The following GGT7 variants were observed in gnomAD, a reference collection of about 807,000 sequenced individuals.
GGT7 encodes glutathione hydrolase 7.
Under a neutral mutation model 69.2 loss-of-function variants are expected in GGT7, and 30 were observed. The ratio of observed to expected loss-of-function variants is 0.43; its 90% CI spans 0.32 to 0.59. The LOEUF (loss-of-function observed/expected upper bound fraction) is 0.59, where lower values mean the gene tolerates loss of function less well. Among genes scored for constraint, GGT7 ranks in the 20% least tolerant of loss-of-function variants. GGT7 has a pLI of 0.05. For synonymous variants in GGT7, 388 were observed against 391.8 expected (o/e 0.99, Z 0.12); for missense variants, 733 against 901.1 (o/e 0.81, Z 2.39).
intron 5 of GGT7, 70 bp from the exon 6 acceptor site, chr20:34,860,112 G>GGAGGGGGA: frequency 1.2e-6 from 1 of 863,810 alleles, no homozygotes; most frequent in South Asian, 1.4e-5. Context: ...GGGGAGGGGG[G>GGAGGGGGA]TTCCTGGGAA....
At position 34,852,194 on chromosome 20, in the gene GGT7, G is replaced by A; in HGVS notation, c.1548C>T (p.Ser516=). ...ILLNSQMLDF[S]WPNRTANHSA... ...AGTGGTTAGCTGTCCGGTTGGGCCA[G>A]GAGAAGTCCAGCATCTGGCTGTTGA... The change falls in exon 12 of 15, where the codon TCC becomes TCT. Residue 516 remains serine (S), a synonymous_variant. Transcript: ENST00000336431. 1.2e-6 allele frequency: 2 copies of A among 1,613,758 alleles called. No individual in the cohort carries two copies. Among genetic ancestry groups the A allele is most frequent in the Non-Finnish European group, 1.7e-6 (2 of 1,179,610 alleles).
intron 1 of GGT7, among the ~76,000 whole-genome samples, chr20:34,865,230 C>T (rs1391325115): frequency 2.0e-5 from 3 of 152,156 alleles, no homozygotes; most frequent in Admixed American, 6.5e-5. Flanking sequence ...TGCAGTGGCA[C>T]CATCTCAGCT....
At chr20:34,846,273 G>GCCCCC (rs1568926434) in intron 14 of GGT7, among the ~76,000 whole-genome samples, 2 of 127,190 alleles carry the variant, frequency 1.6e-5, no homozygotes, top group Non-Finnish European at 1.7e-5. Context: ...CCTGCTTCCA[G>GCCCCC]CCCTCCCTCC....
intron 12 of GGT7, among the ~76,000 whole-genome samples, chr20:34,851,953 G>A (rs2079401102): frequency 6.6e-6 from 1 of 152,256 alleles, no homozygotes; most frequent in South Asian, 2.1e-4. Context: ...GTAAGACAGT[G>A]ACAGAATGGG....
chr20:34,861,990 T>C (rs1335979330), intron 3 of GGT7, among the ~76,000 whole-genome samples: 2 of 152,182 alleles, frequency 1.3e-5, no homozygotes, highest in East Asian at 1.9e-4. Context: ...AGGAATTTCT[T>C]TGGTACGGCT....
At chr20:34,857,481 C>A (rs2079512777) in intron 7 of GGT7, among the ~76,000 whole-genome samples, 1 of 152,156 alleles carries the variant, frequency 6.6e-6, no homozygotes, top group Non-Finnish European at 1.5e-5. Flanking sequence ...CTTGTACAAA[C>A]CAATGGGCTC....
chr20:34,863,279 C>A lies in GGT7; in HGVS notation c.405+34G>T. On this transcript the variant is annotated intron_variant, in intron 2 of 14. Coordinates refer to ENST00000336431, the MANE Select transcript of GGT7 (RefSeq NM_178026.3). The surrounding 1 kb of genome is among the most constrained non-coding windows in gnomAD (Gnocchi z 4.4). ...AAACATTACCCCACTCCCCACTCCC[C>A]AGTTTCCTCCCCCTCCCCATTTGTC... is the stretch of plus-strand genomic sequence containing the variant. 2 of 1,471,816 alleles carry A rather than the reference C, an allele frequency of 1.4e-6. No homozygotes were observed. Among genetic ancestry groups the A allele is most frequent in the East Asian group, 2.3e-5 (1 of 42,892 alleles). The allele number at this position is 1,471,816 out of a possible 1,614,324, so 91.2% of individuals were successfully genotyped here.
rs751472295 is a variant in GGT7 at position 34,850,033 on chromosome 20, G to A, written c.1753C>T (p.Arg585Trp). Residue 585 changes from arginine to tryptophan, a missense_variant, in exon 14 of 15, where the codon CGG (arginine) becomes TGG (tryptophan). Coordinates refer to ENST00000336431, the MANE Select transcript of GGT7 (RefSeq NM_178026.3). ...QVLLNVLTLN[R>W]NLSDSLARGR... is the part of the protein sequence containing the mutation. The stretch of plus-strand genomic sequence containing the variant: ...CGGGCCAGGCTGTCACTCAGGTTCC[G>A]GTTCAAGGTCAGGACATTCAGCAGA... 1.4e-5 allele frequency: 23 copies of A among 1,613,682 alleles called. No homozygotes were observed. The highest frequency in any genetic ancestry group is 1.3e-4 in the Admixed American group (8 of 59,998).
rs142938362 is a variant in GGT7 at position 34,852,231 on chromosome 20, G to A, written c.1511C>T (p.Ser504Leu). Residue 504 changes from serine to leucine, a missense_variant, in exon 12 of 15, where the codon TCG becomes TTG. By Grantham distance (145) the Ser-to-Leu change is moderately radical. Transcript: ENST00000336431. ...QPFGSGLITP[S>L]GILLNSQMLD... ...CATCTGGCTGTTGAGCAGGATCCCCGAGGGGGTGATAAGGCCGCTGCCAAA... is the reference window on the plus strand; with the variant it reads ...CATCTGGCTGTTGAGCAGGATCCCCAAGGGGGTGATAAGGCCGCTGCCAAA... 31 of 1,613,918 alleles carry A rather than the reference G, an allele frequency of 1.9e-5. No homozygotes were observed. The highest frequency in any genetic ancestry group is 2.5e-5 in the Non-Finnish European group (30 of 1,179,886).
intron 6 of GGT7, 114 bp downstream of exon 6, chr20:34,859,855 G>A: frequency 1.2e-6 from 1 of 851,020 alleles, no homozygotes; most frequent in South Asian, 1.6e-5. Flanking sequence ...GTGGGGAGGG[G>A]GTCTGAGGAG....
rs772055006 is a variant in GGT7, at chr20:34,854,877, G to A, written c.1149C>T (p.Leu383=). The change falls in exon 9 of 15, where the codon CTC becomes CTT. Residue 383 remains leucine (L), a synonymous_variant. Coordinates refer to ENST00000336431, the MANE Select transcript of GGT7 (RefSeq NM_178026.3). ...CCTCCAGGATGTTGAGAGCACTGAT[G>A]AGGGCAGGGCCCGTGTGCGGAGGTG... is the stretch of plus-strand genomic sequence containing the variant. ...SPPPPHTGPA[L]ISALNILEGF... is the part of the protein sequence containing the mutation. 1 of 1,614,072 alleles carries A rather than the reference G, an allele frequency of 6.2e-7. No individual in the cohort carries two copies. Among genetic ancestry groups the A allele is most frequent in the Admixed American group, 1.7e-5 (1 of 60,032 alleles).
At position 34,868,655 on chromosome 20, in the gene GGT7, C is replaced by G. The variant is rs186087647; in HGVS notation, c.169+3992G>C. On this transcript the variant is annotated intron_variant, in intron 1 of 14. Coordinates refer to ENST00000336431, the MANE Select transcript of GGT7 (RefSeq NM_178026.3). ...CCCTGACCAAAGTATATAACTCAGA[C>G]TTGGCCAGTCAGAACAGGTACCTCT... Among the ~76,000 whole-genome samples the G allele has an allele frequency of 3.0e-4, 45 of 152,312 alleles. 1 individual carries two copies. Among genetic ancestry groups the G allele is most frequent in the Admixed American group, 1.2e-3 (19 of 15,294 alleles).
intron 8 of GGT7, among the ~76,000 whole-genome samples, 161 bp downstream of exon 8, chr20:34,856,645 T>C (rs1334336379): frequency 3.3e-5 from 5 of 152,182 alleles, no homozygotes; most frequent in African/African-American, 1.2e-4. Flanking sequence ...TTTCAGAAGG[T>C]GGGCTGACTC....
chr20:34,857,366 C>T (rs766973320), intron 7 of GGT7, among the ~76,000 whole-genome samples: 21 of 152,166 alleles, frequency 1.4e-4, no homozygotes, highest in Non-Finnish European at 3.1e-4. Flanking sequence ...CTGCATCTCA[C>T]CACAACCAAC....
Position 34,850,071 on chromosome 20 carries a change from C to G in GGT7, c.1726-11G>C, listed in dbSNP as rs2079364390. 1 of 1,595,936 alleles carries G rather than the reference C, an allele frequency of 6.3e-7. No individual in the cohort carries two copies. Among genetic ancestry groups the G allele is most frequent in the Admixed American group, 1.7e-5 (1 of 59,950 alleles). ...GACATTCAGCAGAACCTGTGGTAGCCAAGGTACAGAAAAATCAGGGCTGTC... is the reference window on the plus strand; with the variant it reads ...GACATTCAGCAGAACCTGTGGTAGCGAAGGTACAGAAAAATCAGGGCTGTC... On this transcript the variant is annotated splice_polypyrimidine_tract_variant and intron_variant, in intron 13 of 14. Coordinates refer to ENST00000336431, the MANE Select transcript of GGT7 (RefSeq NM_178026.3).
chr20:34,861,657 A>G, intron 3 of GGT7, 95 bp from the exon 4 acceptor site: 1 of 734,624 alleles, frequency 1.4e-6, no homozygotes, highest in Non-Finnish European at 2.0e-6. Context: ...TGAGAGCTGT[A>G]GGCTCAGTTT....
intron 14 of GGT7, among the ~76,000 whole-genome samples, chr20:34,846,537 T>A (rs528362519): frequency 6.6e-6 from 1 of 152,016 alleles, no homozygotes; most frequent in African/African-American, 2.4e-5. Context: ...CTCGAACTCC[T>A]GACCTCAGGT....
intron 14 of GGT7, among the ~76,000 whole-genome samples, chr20:34,845,731 T>C (rs1376144849): frequency 6.6e-6 from 1 of 152,156 alleles, no homozygotes; most frequent in Non-Finnish European, 1.5e-5. Context: ...TTGCATACAG[T>C]AAGTGATCAA....
chr20:34,859,377 C>T (rs920738264), intron 7 of GGT7, 66 bp downstream of exon 7: 33 of 1,261,248 alleles, frequency 2.6e-5, no homozygotes, highest in South Asian at 1.0e-4. Flanking sequence ...GGAAAAAATG[C>T]GGACGCGGAT....
Sources: allele counts gnomAD v4.1 joint callset (sites outside exome capture counted in the v4.1 genomes callset), GRCh38; gene constraint gnomAD v4.1.1; non-coding constraint Gnocchi (gnomAD v3.1); transcripts MANE v1.5; gene names NCBI Gene and HGNC (gene_info 2026-07-23, HGNC 2026-07-21).